Variants in FAM13A observed in about 807,000 individuals in gnomAD.
FAM13A encodes family with sequence similarity 13 member A.
Under a neutral mutation model 129.6 loss-of-function variants are expected in FAM13A, and 76 were observed. The ratio of observed to expected loss-of-function variants is 0.59; its 90% CI spans 0.49 to 0.71. The LOEUF (loss-of-function observed/expected upper bound fraction) is 0.71. FAM13A is among the 30% of genes least tolerant of loss of function. FAM13A has a pLI of 0.00. For synonymous variants in FAM13A, 443 were observed against 449.9 expected, an observed-to-expected ratio of 0.98 and a Z score of 0.20; for missense variants, 1,108 against 1,249.3, an observed-to-expected ratio of 0.89 and a Z score of 1.70.
At chr4:88,837,083 C>G (rs1406307700) in intron 7 of FAM13A, among the ~76,000 whole-genome samples, 2 of 151,854 alleles carry the variant, frequency 1.3e-5, no homozygotes, top group African/African-American at 2.4e-5. Context: ...CAACCTCTGC[C>G]TCCAGGGTTT....
At chr4:88,799,609 T>G (rs1727006448) in intron 8 of FAM13A, among the ~76,000 whole-genome samples, 1 of 152,124 alleles carries the variant, frequency 6.6e-6, no homozygotes, top group African/African-American at 2.4e-5. Context: ...CTCAGCCTCC[T>G]GAGTAGCTGG....
intron 13 of FAM13A, among the ~76,000 whole-genome samples, chr4:88,765,365 C>T (rs1745543889): frequency 6.6e-6 from 1 of 152,048 alleles, no homozygotes; most frequent in African/African-American, 2.4e-5. Flanking sequence ...TATTCAATAG[C>T]GGGCATGTAA....
intron 4 of FAM13A, among the ~76,000 whole-genome samples, chr4:88,985,229 C>G (rs1472420471): frequency 6.6e-6 from 1 of 152,076 alleles, no homozygotes; most frequent in Admixed American, 6.5e-5. Context: ...ATGAAATGTC[C>G]AGAATAGGCA....
At chr4:88,896,503 T>C (rs1746359552) in intron 6 of FAM13A, among the ~76,000 whole-genome samples, 1 of 152,248 alleles carries the variant, frequency 6.6e-6, no homozygotes, top group Non-Finnish European at 1.5e-5. Context: ...CTAACTTTTC[T>C]CAAAACCTTC....
chr4:88,855,592 A>G (rs1420421244), intron 6 of FAM13A: 1 of 152,154 alleles, frequency 6.6e-6, no homozygotes, highest in East Asian at 1.9e-4. Context: ...TAGGGTCATC[A>G]TACTTAAAAC....
intron 8 of FAM13A, among the ~76,000 whole-genome samples, chr4:88,798,434 A>T (rs944992041): frequency 1.3e-5 from 2 of 151,930 alleles, no homozygotes; most frequent in Non-Finnish European, 2.9e-5. Context: ...CAGAGAGGTG[A>T]AAAACAATAA....
intron 7 of FAM13A, among the ~76,000 whole-genome samples, chr4:88,809,647 T>G (rs533898120): frequency 8.4e-6 from 1 of 119,042 alleles, no homozygotes; most frequent in East Asian, 3.7e-4. Context: ...AGGAATTTTC[T>G]TAGAGAATGA....
chr4:88,935,868 A>T (rs1753772437), intron 5 of FAM13A, among the ~76,000 whole-genome samples: 1 of 152,224 alleles, frequency 6.6e-6, no homozygotes, highest in Non-Finnish European at 1.5e-5. Flanking sequence ...AGTCCAGAGA[A>T]TCACACCCCT....
chr4:89,051,495 T>C (rs1047296836), intron 1 of FAM13A, among the ~76,000 whole-genome samples: 7 of 152,210 alleles, frequency 4.6e-5, no homozygotes, highest in African/African-American at 1.7e-4. Flanking sequence ...TCCTCCAAAA[T>C]TCGTATCCTT....
At chr4:88,889,284 T>C (rs1744967091) in intron 6 of FAM13A, among the ~76,000 whole-genome samples, 1 of 152,138 alleles carries the variant, frequency 6.6e-6, no homozygotes. Context: ...GATTTGTATA[T>C]GGCAATATGT....
At chr4:88,979,153 G>C (rs1395532233) in intron 4 of FAM13A, among the ~76,000 whole-genome samples, 1 of 152,032 alleles carries the variant, frequency 6.6e-6, no homozygotes, top group Non-Finnish European at 1.5e-5. Flanking sequence ...AATGTCAAAA[G>C]AAACAATTTC....
intron 4 of FAM13A, among the ~76,000 whole-genome samples, chr4:88,967,589 C>T (rs747348944): frequency 7.9e-5 from 12 of 152,166 alleles, no homozygotes; most frequent in East Asian, 1.9e-4. Flanking sequence ...TTGTGGGATG[C>T]GGCTTAAGGA....
At chr4:88,815,450 G>A (rs1387595933) in intron 7 of FAM13A, among the ~76,000 whole-genome samples, 2 of 152,064 alleles carry the variant, frequency 1.3e-5, no homozygotes, top group Non-Finnish European at 2.9e-5. Flanking sequence ...TCTGGAGTCC[G>A]TTATTTGTTT....
At chr4:89,051,126 C>T (rs1403900863) in intron 1 of FAM13A, among the ~76,000 whole-genome samples, 1 of 152,108 alleles carries the variant, frequency 6.6e-6, no homozygotes, top group Non-Finnish European at 1.5e-5. Flanking sequence ...GTTCAGACTG[C>T]TACAACAAAA....
At chr4:88,814,487 A>C (rs1730301487) in intron 7 of FAM13A, among the ~76,000 whole-genome samples, 1 of 152,216 alleles carries the variant, frequency 6.6e-6, no homozygotes, top group African/African-American at 2.4e-5. Flanking sequence ...CCAGGGGCGC[A>C]GCAGTGACCT....
At chr4:88,945,990 G>GTGTGTGTGTGTATGTATATATATA in intron 4 of FAM13A, among the ~76,000 whole-genome samples, 16 of 61,936 alleles carry the variant, frequency 2.6e-4, no homozygotes, top group African/African-American at 1.3e-3. Context: ...GTGTGTGTGT[G>GTGTGTGTGTGTATGTATATATATA]TATATATATA....
At chr4:88,826,853 G>T (rs1321959725) in intron 7 of FAM13A, among the ~76,000 whole-genome samples, 1 of 152,034 alleles carries the variant, frequency 6.6e-6, no homozygotes, top group East Asian at 1.9e-4. Flanking sequence ...GAAGAAGCCT[G>T]GTCTCTCCTA....
At chr4:88,881,692 C>G (rs2869965) in intron 6 of FAM13A, among the ~76,000 whole-genome samples, 126,642 of 152,090 alleles carry the variant, frequency 0.83, 52,906 homozygotes, top group East Asian at 0.96. Flanking sequence ...GGAGGCACTA[C>G]AGAAAGGTGA....
chr4:88,859,088 T>C (rs1451573940), intron 6 of FAM13A, among the ~76,000 whole-genome samples: 2 of 152,194 alleles, frequency 1.3e-5, no homozygotes, highest in Admixed American at 6.5e-5. Flanking sequence ...TCTTTTTTTT[T>C]CTTTCTCCAT....
Sources: gnomAD v4.1 joint callset for allele counts (sites outside exome capture counted in the v4.1 genomes callset) on GRCh38, gnomAD v4.1.1 for gene constraint, MANE v1.5 for transcripts, NCBI Gene and HGNC (gene_info 2026-07-23, HGNC 2026-07-21) for gene names.